The following TMC3 variants were observed in gnomAD, a reference collection of about 807,000 sequenced individuals.
TMC3 encodes transmembrane channel like 3.
In TMC3, 98 loss-of-function variants were observed where a neutral mutation model predicts 110.6. The observed-to-expected ratio is 0.89, with a 90% CI of 0.75 to 1.05. The LOEUF is 1.05. Ranked by LOEUF, TMC3 falls within the 50% of genes least tolerant of loss-of-function variation. The probability of loss-of-function intolerance (pLI) is 0.00; values close to 1 mark genes in which losing one functional copy is unlikely to be tolerated. For missense variants in TMC3, 1,319 were observed against 1,373.2 expected (o/e 0.96, Z 0.62); for synonymous variants, 489 against 513.1 (o/e 0.95, Z 0.63).
At chr15:81,368,367 C>A in intron 2 of TMC3, 39 bp from the exon 3 acceptor site, 2 of 1,518,652 alleles carry the variant, frequency 1.3e-6, no homozygotes, top group Non-Finnish European at 9.1e-7. Flanking sequence ...ACAATTGTAT[C>A]ACACTTACAA....
At position 81,334,774 on chromosome 15, in the gene TMC3, G is replaced by T. The variant is rs1290473274; in HGVS notation, c.2405C>A (p.Pro802His). The change falls in exon 21 of 22, where the codon CCT (proline) becomes CAT (histidine). Residue 802 changes from proline to histidine, a missense_variant. Physicochemically the swap from Pro to His is moderately conservative, Grantham distance 77 (BLOSUM62 -2). Coordinates refer to ENST00000359440, the MANE Select transcript of TMC3 (RefSeq NM_001080532.3). ...PQSPRPGDRA[P>H]SSPLPGVPKS... Reference sequence around the variant, plus strand: ...GGGGACCCCAGGGAGAGGTGAGCTAGGAGCCCTGTCCCCTGGCCTCGGGCT... The same window carrying T: ...GGGGACCCCAGGGAGAGGTGAGCTATGAGCCCTGTCCCCTGGCCTCGGGCT... 1 of 1,614,026 alleles carries T rather than the reference G, an allele frequency of 6.2e-7. No individual in the cohort carries two copies. The highest frequency in any genetic ancestry group is 8.5e-7 in the Non-Finnish European group (1 of 1,179,878).
chr15:81,332,870 C>G lies in TMC3; in HGVS notation c.2852G>C (p.Arg951Thr), dbSNP rs1315969653. Residue 951 changes from arginine to threonine, a missense_variant, in exon 22 of 22, where the codon AGA becomes ACA. By Grantham distance (71) the Arg-to-Thr change is moderately conservative. Transcript: ENST00000359440. ...LSEEEEETPS[R>T]DWIKRSLPPR... ...GGGAAGAGACCGTTTGATCCAATCTCTGCTTGGCGTCTCCTCCTCTTCTTC... is the reference window on the plus strand; with the variant it reads ...GGGAAGAGACCGTTTGATCCAATCTGTGCTTGGCGTCTCCTCCTCTTCTTC... 1 of 1,613,370 alleles carries G rather than the reference C, an allele frequency of 6.2e-7. No homozygotes were observed. The highest frequency in any genetic ancestry group is 8.5e-7 in the Non-Finnish European group (1 of 1,179,892).
At chr15:81,356,638 A>AG (rs1254386299) in intron 7 of TMC3, 44 bp from the exon 8 acceptor site, 5 of 1,555,264 alleles carry the variant, frequency 3.2e-6, no homozygotes, top group Non-Finnish European at 4.3e-6. Flanking sequence ...TCTCAGGAAT[A>AG]GGGGGCTGTA....
chr15:81,351,348 C>CTTTTTTT, intron 10 of TMC3, among the ~76,000 whole-genome samples: 1 of 101,312 alleles, frequency 9.9e-6, no homozygotes, highest in Non-Finnish European at 1.8e-5. Context: ...CTCTCTCTCT[C>CTTTTTTT]TTTTTTTTTT....
At chr15:81,372,212 G>A (rs1389861795) in intron 2 of TMC3, among the ~76,000 whole-genome samples, 1 of 151,774 alleles carries the variant, frequency 6.6e-6, no homozygotes, top group African/African-American at 2.4e-5. Context: ...TCTAGTGAGC[G>A]AGACGAGCTT....
At chr15:81,344,169 A>G (rs1362422249) in intron 13 of TMC3, 124 bp from the exon 14 acceptor site, 2 of 969,144 alleles carry the variant, frequency 2.1e-6, no homozygotes, top group Middle Eastern at 3.4e-4. Context: ...CTCCAATGGC[A>G]TCTTCATTTC....
Position 81,359,460 on chromosome 15 carries a change from A to G in TMC3, c.406T>C (p.Ser136Pro), listed in dbSNP as rs1474123922. The G allele has an allele frequency of 3.1e-6, 5 of 1,590,088 alleles. No homozygotes were observed. Among genetic ancestry groups the G allele is most frequent in the Non-Finnish European group, 4.3e-6 (5 of 1,169,660 alleles). The change falls in exon 5 of 22, where the codon TCT becomes CCT. Residue 136 changes from serine to proline, a missense_variant. By Grantham distance (74) the Ser-to-Pro change is moderately conservative. Transcript: ENST00000359440. ...RIKKIESHFG[S>P]GVASYFIFLR... ...AATATGAAATAGGAGGCAACGCCAG[A>G]TCCAAAATGACCTAAAGAAAGACAA...
chr15:81,339,561 T>G (rs888805620), intron 16 of TMC3, 57 bp from the exon 17 acceptor site: 12 of 1,326,282 alleles, frequency 9.0e-6, no homozygotes, highest in Non-Finnish European at 1.2e-5. Flanking sequence ...TTGCCAGGGT[T>G]GCATATGCCC....
chr15:81,344,067 G>A, intron 13 of TMC3, 22 bp from the exon 14 acceptor site: 2 of 1,598,902 alleles, frequency 1.3e-6, no homozygotes, highest in Admixed American at 1.7e-5. Context: ...GGCGTCCCTG[G>A]ATGCCACCAT....
chr15:81,333,289 T>A, intron 21 of TMC3, 27 bp from the exon 22 acceptor site: 1 of 1,575,050 alleles, frequency 6.3e-7, no homozygotes, highest in East Asian at 2.2e-5. Flanking sequence ...GTTAAGTAGC[T>A]GTGGCCTTGG....
rs147191865 is a variant in TMC3 at position 81,364,689 on chromosome 15, A to AAAT, written c.313-2389_313-2388insATT. 1.8e-3 allele frequency among the ~76,000 whole-genome samples: 255 copies of AAAT among 141,374 alleles called. 4 individuals carry two copies. The highest frequency in any genetic ancestry group is 6.6e-3 in the African/African-American group (248 of 37,406). The allele number at this position is 141,374 out of a possible 152,430, so 92.7% of individuals were successfully genotyped here. ...CTAAAACTTAAAGTATAATAAAAAA[A>AAAT]AACATTATTCCAAAAAAAAAAAAAT... On this transcript the variant is annotated intron_variant, in intron 3 of 21. Transcript: ENST00000359440.
At position 81,351,959 on chromosome 15, in the gene TMC3, T is replaced by C. The variant is rs745370247; in HGVS notation, c.936-118A>G. 1.6e-4 allele frequency: 202 copies of C among 1,245,190 alleles called. 1 individual carries two copies. The highest frequency in any genetic ancestry group is 2.1e-4 in the Non-Finnish European group (188 of 905,802). The allele number at this position is 1,245,190 out of a possible 1,614,324, so 77.1% of individuals were successfully genotyped here. ...CCATTGCCAAGAGGATTCTCTGCCC[T>C]GAAGCATCAATGCACTTCCAGCCCA... On this transcript the variant is annotated intron_variant, in intron 9 of 21. Transcript: ENST00000359440.
Position 81,343,952 on chromosome 15 carries a change from T to C in TMC3, c.1612A>G (p.Ser538Gly). Residue 538 changes from serine (S) to glycine (G), a missense_variant, in exon 14 of 22, where the codon AGT becomes GGT. Coordinates refer to ENST00000359440, the MANE Select transcript of TMC3 (RefSeq NM_001080532.3). ...FFRGLFVRYL[S>G]DYWCWDLESK... ...TCCAGATCCCAACACCAGTAGTCAC[T>C]TAAGTACCGCACGAAAAGTCCTCGG... The C allele has an allele frequency of 6.2e-7, 1 of 1,613,152 alleles. No individual in the cohort carries two copies. Among genetic ancestry groups the C allele is most frequent in the Middle Eastern group, 1.7e-4 (1 of 6,058 alleles).
intron 10 of TMC3, among the ~76,000 whole-genome samples, chr15:81,350,084 CAAAAAA>C (rs57328398): frequency 1.4e-5 from 2 of 139,126 alleles, no homozygotes; most frequent in African/African-American, 5.2e-5. Context: ...CCATCTCTAC[CAAAAAA>C]AAAAAAAAGT....
In TMC3 at chr15:81,367,514, A is replaced by G. The variant is rs562890190; in HGVS notation, c.312+739T>C. ...CAGATAATTTTAATGTATACTTTTCATTTAAGTAACTGAATGGGAAAAATA... is the reference window on the plus strand; with the variant it reads ...CAGATAATTTTAATGTATACTTTTCGTTTAAGTAACTGAATGGGAAAAATA... On this transcript the variant is annotated intron_variant, in intron 3 of 21. Coordinates refer to ENST00000359440, the MANE Select transcript of TMC3 (RefSeq NM_001080532.3). Among the ~76,000 whole-genome samples, 3 of 152,312 alleles carry G rather than the reference A, an allele frequency of 2.0e-5. No homozygotes were observed. The East Asian group carries it at 5.8e-4, about 29-fold the overall frequency.
chr15:81,349,759 C>CTT lies in TMC3; in HGVS notation c.1084-194_1084-193dup, dbSNP rs532576010. 2.2e-3 allele frequency among the ~76,000 whole-genome samples: 285 copies of CTT among 129,460 alleles called. 4 individuals are homozygous for CTT. The highest frequency in any genetic ancestry group is 7.4e-3 in the African/African-American group (246 of 33,044). The allele number at this position is 129,460 out of a possible 152,430, so 84.9% of individuals were successfully genotyped here. On this transcript the variant is annotated intron_variant, in intron 10 of 21. Transcript: ENST00000359440. ...AAGGCGGCCACCACTTTATCATGGTCTTTTTTTTTTTTTTTTTTGAACTCT... is the reference window on the plus strand; with the variant it reads ...AAGGCGGCCACCACTTTATCATGGTCTTTTTTTTTTTTTTTTTTTTGAACTCT...
intron 14 of TMC3, among the ~76,000 whole-genome samples, 159 bp from the exon 15 acceptor site, chr15:81,343,504 G>A (rs552602043): frequency 6.6e-6 from 1 of 152,264 alleles, no homozygotes; most frequent in Non-Finnish European, 1.5e-5. Context: ...TAAGAAAGGG[G>A]TGGGGCTGGG....
In TMC3 at chr15:81,372,572, T is replaced by C. The variant is rs978705189; in HGVS notation, c.236+19A>G. 1 of 1,612,788 alleles carries C rather than the reference T, an allele frequency of 6.2e-7. No homozygotes were observed. ...AAAGCATGCTTGTAATGATCAATAA[T>C]GGCCATTGAGGCCCTTACCTCAATG... On this transcript the variant is annotated intron_variant, in intron 2 of 21. Coordinates refer to ENST00000359440, the MANE Select transcript of TMC3 (RefSeq NM_001080532.3).
chr15:81,368,174 C>T (rs1303135982), intron 3 of TMC3, 79 bp downstream of exon 3: 8 of 1,000,440 alleles, frequency 8.0e-6, no homozygotes, highest in Non-Finnish European at 1.6e-6. Context: ...ACCTCGTGAT[C>T]CACCTCCCTT....
Sources: allele counts gnomAD v4.1 joint callset (sites outside exome capture counted in the v4.1 genomes callset), GRCh38; gene constraint gnomAD v4.1.1; transcripts MANE v1.5; gene names NCBI Gene and HGNC (gene_info 2026-07-23, HGNC 2026-07-21).